The following IL16 variants were observed in gnomAD, a reference collection of about 807,000 sequenced individuals.
The protein encoded by IL16 is pro-interleukin-16.
A neutral mutation model predicts 110.1 loss-of-function variants in IL16; 67 were observed. That is an observed-to-expected ratio of 0.61 (90% CI 0.50 to 0.75). IL16 has a LOEUF of 0.75. Among genes scored for constraint, IL16 ranks in the 30% least tolerant of loss-of-function variants. The probability of loss-of-function intolerance (pLI) is 0.00; values close to 1 mark genes in which losing one functional copy is unlikely to be tolerated. For synonymous variants in IL16, 689 were observed against 662.9 expected, an observed-to-expected ratio of 1.04 and a Z score of -0.61; for missense variants, 1,545 against 1,655.0, an observed-to-expected ratio of 0.93 and a Z score of 1.15.
At chr15:81,204,608 T>C (rs1895942822) in intron 1 of IL16, among the ~76,000 whole-genome samples, 1 of 152,192 alleles carries the variant, frequency 6.6e-6, no homozygotes, top group Admixed American at 6.5e-5. Context: ...TGGTTCTGTT[T>C]ATATGCTGGA....
chr15:81,289,796 C>A, intron 10 of IL16: 2 of 339,650 alleles, frequency 5.9e-6, no homozygotes, highest in Non-Finnish European at 5.9e-6. Flanking sequence ...TTCACATAGT[C>A]CAATTTATCT....
intron 1 of IL16, among the ~76,000 whole-genome samples, chr15:81,191,501 C>T (rs1895496750): frequency 6.6e-6 from 1 of 152,154 alleles, no homozygotes; most frequent in African/African-American, 2.4e-5. Flanking sequence ...GCCAGGCATG[C>T]TCTAGTGCTG....
rs563487368 is a variant in IL16 at position 81,266,051 on chromosome 15, A to G, written c.564+250A>G. 2.4e-3 allele frequency among the ~76,000 whole-genome samples: 358 copies of G among 152,324 alleles called. 1 individual carries two copies. Among genetic ancestry groups the G allele is most frequent in the African/African-American group, 8.1e-3 (337 of 41,568 alleles). ...CAACTGCTGCCACGTGTGTGCTATT[A>G]AGAGCTAACATGTAGAGAACACGGC... On this transcript the variant is annotated intron_variant, in intron 4 of 18. Coordinates refer to ENST00000683961, the MANE Select transcript of IL16 (RefSeq NM_172217.5).
rs1457939077 is a variant in IL16 at position 81,299,822 on chromosome 15, C to T, written c.2496C>T (p.Ala832=). ...AGCACCTAGGATCACACATCCGGGC[C>T]TCCTCCTCCTCCTCCTCCATCAGGC... The part of the protein sequence containing the change: ...SREHLGSHIR[A]SSSSSSIRQR... Residue 832 remains alanine (A), a synonymous_variant, in exon 14 of 19, where the codon GCC becomes GCT. Transcript: ENST00000683961. 1.9e-6 allele frequency: 3 copies of T among 1,589,862 alleles called. No individual in the cohort carries two copies. The highest frequency in any genetic ancestry group is 2.6e-6 in the Non-Finnish European group (3 of 1,164,688).
chr15:81,261,767 A>G (rs1898167217), intron 3 of IL16, among the ~76,000 whole-genome samples: 1 of 152,022 alleles, frequency 6.6e-6, no homozygotes. Context: ...ATAAAAATAG[A>G]TGGAAAAAAA....
intron 12 of IL16, among the ~76,000 whole-genome samples, chr15:81,296,231 G>A (rs779211344): frequency 6.6e-6 from 1 of 152,172 alleles, no homozygotes; most frequent in Admixed American, 6.5e-5. Context: ...AGTACCTTAA[G>A]CACACTGTGT....
chr15:81,232,064 T>C (rs1051900117), intron 2 of IL16, among the ~76,000 whole-genome samples: 6 of 143,720 alleles, frequency 4.2e-5, no homozygotes, highest in African/African-American at 1.6e-4. Context: ...TTTTTTTTTT[T>C]TTCTTTTTTT....
chr15:81,187,459 A>G (rs1450352543), intron 1 of IL16, among the ~76,000 whole-genome samples: 1 of 152,132 alleles, frequency 6.6e-6, no homozygotes, highest in Non-Finnish European at 1.5e-5. Context: ...GCTGGGTGTG[A>G]CGGTGCACAC....
intron 2 of IL16, among the ~76,000 whole-genome samples, chr15:81,245,493 A>AG (rs57116083): frequency 0.27 from 41,347 of 151,982 alleles, 7,201 homozygotes; most frequent in African/African-American, 0.5. Context: ...GCCGTATGGC[A>AG]GGATGAAAGT....
chr15:81,204,710 A>C (rs1895946460), intron 1 of IL16, among the ~76,000 whole-genome samples: 1 of 152,022 alleles, frequency 6.6e-6, no homozygotes, highest in Non-Finnish European at 1.5e-5. Context: ...CACGTTGTGC[A>C]CATGTACCCT....
chr15:81,308,882 G>A lies in IL16; in HGVS notation c.*84G>A, dbSNP rs999039764. ...GCTGATTCTCAGGGTCTCTGCTGCC[G>A]CCCCACCCAGATGGGGGAAAGCACA... On this transcript the variant is annotated 3_prime_UTR_variant, in exon 19 of 19. Coordinates refer to ENST00000683961, the MANE Select transcript of IL16 (RefSeq NM_172217.5). 5.4e-5 allele frequency: 68 copies of A among 1,251,154 alleles called. No individual in the cohort carries two copies. Among genetic ancestry groups the A allele is most frequent in the Non-Finnish European group, 6.8e-5 (61 of 903,682 alleles). The allele number at this position is 1,251,154 out of a possible 1,614,324, so 77.5% of individuals were successfully genotyped here.
chr15:81,208,934 C>G (rs2141983443), intron 1 of IL16, among the ~76,000 whole-genome samples: 1 of 152,216 alleles, frequency 6.6e-6, no homozygotes, highest in South Asian at 2.1e-4. Context: ...TAGTATATAT[C>G]TCATATGGAT....
chr15:81,261,740 C>A (rs1596005322), intron 3 of IL16, among the ~76,000 whole-genome samples: 1 of 151,984 alleles, frequency 6.6e-6, no homozygotes, highest in Admixed American at 6.6e-5. Flanking sequence ...TCTTCCCAAA[C>A]CCTGATTGAT....
In IL16 at chr15:81,225,380, G is replaced by A. The variant is rs1205325522; in HGVS notation, c.-20G>A. On this transcript the variant is annotated 5_prime_UTR_variant, in exon 2 of 19. Transcript: ENST00000683961. Reference sequence around the variant, plus strand: ...AGAGACCAGGAAAGGAAGAAAGGCAGCTTCACTTCCTCTTTGAGGATGGAG... The same window carrying A: ...AGAGACCAGGAAAGGAAGAAAGGCAACTTCACTTCCTCTTTGAGGATGGAG... The A allele has an allele frequency of 5.6e-6, 9 of 1,611,786 alleles. No individual in the cohort carries two copies. The highest frequency in any genetic ancestry group is 1.3e-5 in the African/African-American group (1 of 75,030).
intron 8 of IL16, 115 bp downstream of exon 8, chr15:81,279,889 CA>C: frequency 2.4e-6 from 2 of 841,006 alleles, no homozygotes; most frequent in Non-Finnish European, 1.9e-6. Context: ...TCTTTTAGCA[CA>C]TTTTACAGCT....
intron 1 of IL16, among the ~76,000 whole-genome samples, chr15:81,188,619 G>T (rs1895451294): frequency 2.0e-5 from 3 of 152,150 alleles, no homozygotes; most frequent in South Asian, 2.1e-4. Flanking sequence ...TGTGACTAGG[G>T]TGTGCACGTG....
Position 81,292,940 on chromosome 15 carries a change from G to T in IL16, c.1805G>T (p.Arg602Ile). The change falls in exon 12 of 19, where the codon AGA (arginine) becomes ATA (isoleucine). Residue 602 changes from arginine (R) to isoleucine (I), a missense_variant. Arg to Ile is a moderately conservative substitution (Grantham distance 97). Coordinates refer to ENST00000683961, the MANE Select transcript of IL16 (RefSeq NM_172217.5). ...PMSSKPKPPPRKYFKSDSDPQ... is the reference protein window; with the variant it reads ...PMSSKPKPPPIKYFKSDSDPQ... ...TCCTCCAAGCCCAAGCCTCCACCCA[G>T]AAAATACTTTAAAAGTGACAGTGAC... 6.2e-7 allele frequency: 1 copy of T among 1,614,190 alleles called. No homozygotes were observed. Among genetic ancestry groups the T allele is most frequent in the East Asian group, 2.2e-5 (1 of 44,884 alleles).
At chr15:81,214,917 G>C (rs1337960098) in intron 1 of IL16, among the ~76,000 whole-genome samples, 1 of 152,126 alleles carries the variant, frequency 6.6e-6, no homozygotes, top group Non-Finnish European at 1.5e-5. Context: ...CTATTCTGCT[G>C]TTGATATTTC....
At chr15:81,289,269 G>A (rs1269594679) in intron 10 of IL16, among the ~76,000 whole-genome samples, 1 of 152,124 alleles carries the variant, frequency 6.6e-6, no homozygotes, top group African/African-American at 2.4e-5. Flanking sequence ...CCTAGTAGCA[G>A]GGATTATAGG....
Sources: gnomAD v4.1 joint callset for allele counts (sites outside exome capture counted in the v4.1 genomes callset) on GRCh38, gnomAD v4.1.1 for gene constraint, MANE v1.5 for transcripts, NCBI Gene and HGNC (gene_info 2026-07-23, HGNC 2026-07-21) for gene names.